The following CDC7 variants were observed in gnomAD, a reference collection of about 807,000 sequenced individuals.
CDC7 encodes the protein cell division cycle 7.
In CDC7, 34 loss-of-function variants were observed where a neutral mutation model predicts 53.5. The observed-to-expected ratio is 0.64, with a 90% CI of 0.48 to 0.85. The LOEUF (loss-of-function observed/expected upper bound fraction) is 0.85. CDC7 is among the 40% of genes least tolerant of loss of function. The pLI is 0.00. For synonymous variants in CDC7, 211 were observed against 222.8 expected, an observed-to-expected ratio of 0.95 and a Z score of 0.47; for missense variants, 594 against 679.7, an observed-to-expected ratio of 0.87 and a Z score of 1.40.
chr1:91,518,162 A>G (rs562302847), intron 10 of CDC7, among the ~76,000 whole-genome samples: 44 of 149,208 alleles, frequency 2.9e-4, no homozygotes, highest in African/African-American at 1.1e-3. Flanking sequence ...ACCTGGTGAT[A>G]CTAGGAAGTC....
chr1:91,512,208 T>C (rs1667321881), intron 6 of CDC7, among the ~76,000 whole-genome samples: 1 of 152,122 alleles, frequency 6.6e-6, no homozygotes, highest in South Asian at 2.1e-4. Flanking sequence ...TGCTACTTTG[T>C]ATCCTCTGAC....
Position 91,521,374 on chromosome 1 carries a change from G to C in CDC7, c.1330+1095G>C, listed in dbSNP as rs193130165. Among the ~76,000 whole-genome samples the C allele has an allele frequency of 1.7e-3, 254 of 152,310 alleles. 1 individual carries two copies. The highest frequency in any genetic ancestry group is 5.7e-3 in the African/African-American group (238 of 41,558). Reference sequence around the variant, plus strand: ...AATTACTGCCCTTGCTTATGCACTAGTGCTATAGTCTAATCTACAAGAAAA... The same window carrying C: ...AATTACTGCCCTTGCTTATGCACTACTGCTATAGTCTAATCTACAAGAAAA... On this transcript the variant is annotated intron_variant, in intron 11 of 11. Transcript: ENST00000234626.
At chr1:91,523,448 TC>T (rs1256357602) in intron 11 of CDC7, among the ~76,000 whole-genome samples, 4 of 152,284 alleles carry the variant, frequency 2.6e-5, no homozygotes, top group Non-Finnish European at 5.9e-5. Context: ...ATAAGACAGT[TC>T]CTGCCTTCAA....
At chr1:91,501,586 C>CCA (rs1666681007) in intron 1 of CDC7, 68 bp from the exon 2 acceptor site, 1 of 661,814 alleles carries the variant, frequency 1.5e-6, no homozygotes, top group Non-Finnish European at 2.6e-6. Flanking sequence ...CTTTGGGGGG[C>CCA]AGTAGCATGT....
chr1:91,502,277 G>T (rs935858730), intron 2 of CDC7, among the ~76,000 whole-genome samples: 1 of 152,196 alleles, frequency 6.6e-6, no homozygotes, highest in Admixed American at 6.5e-5. Context: ...AGCATGAAAT[G>T]TTCTTTGACC....
In CDC7 at chr1:91,501,700, A is replaced by G. The variant is rs936981828; in HGVS notation, c.-17A>G. ...TGTAACCCCTTAGCTGGCATTTTGC[A>G]TCTCAATTGGCTTGTGATGGAGGCG... On this transcript the variant is annotated 5_prime_UTR_variant, in exon 2 of 12. Transcript: ENST00000234626. The G allele has an allele frequency of 1.9e-6, 3 of 1,590,948 alleles. No individual in the cohort carries two copies. Among genetic ancestry groups the G allele is most frequent in the Non-Finnish European group, 2.6e-6 (3 of 1,159,648 alleles).
rs940947389 is a variant in CDC7, at chr1:91,513,080, T to G, written c.595T>G (p.Leu199Val). ...TAGGTATGCCTTGGTAGACTTTGGT[T>G]TGGCCCAAGGAACCCATGATACGAA... ...LKKYALVDFG[L>V]AQGTHDTKIE... Residue 199 changes from leucine to valine, a missense_variant, in exon 7 of 12, where the codon TTG (leucine) becomes GTG (valine). Physicochemically the swap from Leu to Val is conservative, Grantham distance 32. Coordinates refer to ENST00000234626, the MANE Select transcript of CDC7 (RefSeq NM_003503.4). 1 of 1,613,576 alleles carries G rather than the reference T, an allele frequency of 6.2e-7. No homozygotes were observed. The highest frequency in any genetic ancestry group is 8.5e-7 in the Non-Finnish European group (1 of 1,179,622).
Position 91,524,644 on chromosome 1 carries a change from T to G in CDC7, c.*209T>G. On this transcript the variant is annotated 3_prime_UTR_variant, in exon 12 of 12. Transcript: ENST00000234626. The stretch of plus-strand genomic sequence containing the variant: ...GACTAACAACATGATCTTCTTTGAG[T>G]TAAACCTACCTAAGTAGATTTTAGG... 2.0e-6 allele frequency: 1 copy of G among 494,768 alleles called. No individual in the cohort carries two copies. The highest frequency in any genetic ancestry group is 3.7e-5 in the South Asian group (1 of 27,032). 30.6% of individuals were successfully genotyped at this position (494,768 alleles called of 1,614,324 possible). A position where few individuals can be genotyped will look rare whatever the true frequency, so the allele number is the denominator to read the frequency against.
chr1:91,519,842 T>C (rs1253954962), intron 10 of CDC7, among the ~76,000 whole-genome samples: 1 of 152,208 alleles, frequency 6.6e-6, no homozygotes, highest in Non-Finnish European at 1.5e-5. Flanking sequence ...TCCTAGTGAT[T>C]AAATATCCTT....
intron 11 of CDC7, among the ~76,000 whole-genome samples, chr1:91,520,523 T>C (rs1420621210): frequency 5.3e-5 from 8 of 152,234 alleles, no homozygotes; most frequent in Admixed American, 5.2e-4. Flanking sequence ...TTTACCTTTA[T>C]AATTTTATAA....
intron 10 of CDC7, among the ~76,000 whole-genome samples, chr1:91,518,481 C>T (rs1423112306): frequency 1.3e-5 from 2 of 152,096 alleles, no homozygotes; most frequent in African/African-American, 2.4e-5. Flanking sequence ...AATTTGAAAG[C>T]GACCTAAGTG....
intron 11 of CDC7, 142 bp from the exon 12 acceptor site, chr1:91,523,893 ACTGTGT>A (rs1236663956): frequency 6.6e-6 from 3 of 454,164 alleles, no homozygotes; most frequent in African/African-American, 1.0e-4. Context: ...TCTATCTCAT[ACTGTGT>A]GTGTGTGTGT....
At position 91,508,286 on chromosome 1, in the gene CDC7, C is replaced by G; in HGVS notation, c.224C>G (p.Ala75Gly). 6.2e-7 allele frequency: 1 copy of G among 1,609,058 alleles called. No homozygotes were observed. The highest frequency in any genetic ancestry group is 8.5e-7 in the Non-Finnish European group (1 of 1,177,712). ...GEGTFSSVYL[A>G]TAQLQVGPEE... ...GGCACTTTCAGCTCTGTTTATTTGGCCACAGCACAGTTACAAGTAGGACCT... is the reference window on the plus strand; with the variant it reads ...GGCACTTTCAGCTCTGTTTATTTGGGCACAGCACAGTTACAAGTAGGACCT... The change falls in exon 4 of 12, where the codon GCC (alanine) becomes GGC (glycine). Residue 75 changes from alanine to glycine, a missense_variant. Transcript: ENST00000234626.
chr1:91,514,864 G>C lies in CDC7; in HGVS notation c.964G>C (p.Ala322Pro). 6.2e-7 allele frequency: 1 copy of C among 1,613,114 alleles called. No homozygotes were observed. Among genetic ancestry groups the C allele is most frequent in the Non-Finnish European group, 8.5e-7 (1 of 1,179,482 alleles). The change falls in exon 9 of 12, where the codon GCA becomes CCA. Residue 322 changes from alanine (A) to proline (P), a missense_variant. Ala to Pro is a conservative substitution (Grantham distance 27). Coordinates refer to ENST00000234626, the MANE Select transcript of CDC7 (RefSeq NM_003503.4). ...KTVDVLSRKL[A>P]TKKKAISTKV... Reference sequence around the variant, plus strand: ...TGTGGATGTACTGTCTAGAAAGTTAGCAACAAAAAAGAAGGCTATTTCTAC... The same window carrying C: ...TGTGGATGTACTGTCTAGAAAGTTACCAACAAAAAAGAAGGCTATTTCTAC...
At chr1:91,505,352 A>G (rs1215914936) in intron 2 of CDC7, among the ~76,000 whole-genome samples, 3 of 152,204 alleles carry the variant, frequency 2.0e-5, no homozygotes, top group African/African-American at 4.8e-5. Flanking sequence ...TTTGAGCACA[A>G]TAGTGACAAG....
Position 91,507,754 on chromosome 1 carries a change from C to T in CDC7, c.116-100C>T, listed in dbSNP as rs112807865. 318 of 775,394 alleles carry T rather than the reference C, an allele frequency of 4.1e-4. 2 individuals carry two copies. The African/African-American group carries it at 5.4e-3, about 13-fold the overall frequency. The allele number at this position is 775,394 out of a possible 1,614,324, so 48.0% of individuals were successfully genotyped here. ...ATTAAAACTTATGTATAATTAATTA[C>T]TCATATTTTATAATTTATTTCATTG... On this transcript the variant is annotated intron_variant, in intron 2 of 11. Transcript: ENST00000234626.
intron 4 of CDC7, among the ~76,000 whole-genome samples, chr1:91,509,940 G>A (rs1009278714): frequency 1.3e-5 from 2 of 152,202 alleles, no homozygotes; most frequent in Non-Finnish European, 2.9e-5. Flanking sequence ...ATCTGAGCAA[G>A]AGTGAAACTG....
chr1:91,523,893 ACTGTGTGT>A (rs1375863892), intron 11 of CDC7, 140 bp from the exon 12 acceptor site: 6 of 454,166 alleles, frequency 1.3e-5, no homozygotes, highest in Non-Finnish European at 2.2e-5. Flanking sequence ...TCTATCTCAT[ACTGTGTGT>A]GTGTGTGTGT....
intron 2 of CDC7, among the ~76,000 whole-genome samples, chr1:91,502,344 C>G (rs1571309122): frequency 6.6e-6 from 1 of 152,198 alleles, no homozygotes; most frequent in African/African-American, 2.4e-5. Flanking sequence ...CTCTTGTACA[C>G]TCGCATGTGT....
Sources: gnomAD v4.1 joint callset for allele counts (sites outside exome capture counted in the v4.1 genomes callset) on GRCh38, gnomAD v4.1.1 for gene constraint, MANE v1.5 for transcripts, NCBI Gene and HGNC (gene_info 2026-07-23, HGNC 2026-07-21) for gene names.